CCDC57: variants seen among roughly 807,000 people sequenced by gnomAD.
The protein encoded by CCDC57 is coiled-coil domain-containing protein 57.
Under a neutral mutation model 118.9 loss-of-function variants are expected in CCDC57, and 118 were observed. That is an observed-to-expected ratio of 0.99 (90% CI 0.86 to 1.16). The LOEUF is 1.16. Ranked by LOEUF, CCDC57 falls within the 50% of genes most tolerant of loss-of-function variation. The pLI is 0.00. For synonymous variants in CCDC57, 527 were observed against 532.9 expected (o/e 0.99, Z 0.15); for missense variants, 1,300 against 1,320.7 (o/e 0.98, Z 0.24).
Position 82,169,981 on chromosome 17 carries a change from A to C in CCDC57, c.1882+1720T>G, listed in dbSNP as rs111540719. On this transcript the variant is annotated intron_variant, in intron 13 of 19. Coordinates refer to ENST00000665763, the Ensembl canonical transcript of CCDC57. ...CTCATATTCAGCATAAAATACCCTAAAAAAATCTATGACAAAGGGCAGATG... is the reference window on the plus strand; with the variant it reads ...CTCATATTCAGCATAAAATACCCTACAAAAATCTATGACAAAGGGCAGATG... Among the ~76,000 whole-genome samples the C allele has an allele frequency of 7.2e-4, 109 of 152,276 alleles. 2 individuals are homozygous for C. Among genetic ancestry groups the C allele is most frequent in the African/African-American group, 2.3e-3 (96 of 41,546 alleles).
chr17:82,140,723 C>T (rs760988580), intron 16 of CCDC57, among the ~76,000 whole-genome samples: 4 of 152,174 alleles, frequency 2.6e-5, no homozygotes, highest in African/African-American at 4.8e-5. Context: ...TAGTCAGTCA[C>T]CAGCAGCCAC....
chr17:82,189,251 C>A (rs2047355775), intron 7 of CCDC57, among the ~76,000 whole-genome samples: 1 of 151,974 alleles, frequency 6.6e-6, no homozygotes, highest in Non-Finnish European at 1.5e-5. Context: ...CTGAGTGACA[C>A]AGTGAGACCC....
At chr17:82,158,930 G>A (rs1302121168) in intron 14 of CCDC57, among the ~76,000 whole-genome samples, 2 of 151,922 alleles carry the variant, frequency 1.3e-5, no homozygotes, top group Admixed American at 6.6e-5. Context: ...GTGGCTCGCC[G>A]CAGCCTCAAC....
chr17:82,104,438 A>G (rs939303435), intron 19 of CCDC57, among the ~76,000 whole-genome samples: 4 of 150,764 alleles, frequency 2.7e-5, no homozygotes, highest in African/African-American at 7.5e-5. Context: ...TGCCCCTCCC[A>G]GGCTTAACCC....
chr17:82,123,122 C>CTTTTTTTTTT (rs34869339), intron 19 of CCDC57, among the ~76,000 whole-genome samples: 1 of 105,766 alleles, frequency 9.5e-6, no homozygotes, highest in Non-Finnish European at 1.9e-5. Context: ...CTCCTAATAA[C>CTTTTTTTTTT]TTTTTTTTTT....
chr17:82,164,636 A>G (rs916917476), intron 13 of CCDC57, among the ~76,000 whole-genome samples: 2 of 152,208 alleles, frequency 1.3e-5, no homozygotes, highest in African/African-American at 4.8e-5. Context: ...TTAAAAACTC[A>G]TAGGATACTA....
rs371391664 is a variant in CCDC57 at position 82,183,934 on chromosome 17, T to C, written c.1053-2A>G. 6.2e-6 allele frequency: 10 copies of C among 1,612,816 alleles called. No homozygotes were observed. In the African/African-American group the frequency reaches 1.3e-4, roughly 22 times the overall value. The stretch of plus-strand genomic sequence containing the variant: ...ACAGTTGATGCATCTTCACGAAGTC[T>C]AAACATAGAAGGGAAACTATGTAGA... On this transcript the variant is annotated splice_acceptor_variant, in intron 8 of 19. Coordinates refer to ENST00000665763, the Ensembl canonical transcript of CCDC57. LOFTEE classifies it high-confidence loss of function.
At chr17:82,157,658 T>C (rs2145967885) in intron 15 of CCDC57, 90 bp downstream of exon 14, 2 of 1,489,436 alleles carry the variant, frequency 1.3e-6, no homozygotes, top group Non-Finnish European at 1.8e-6. Flanking sequence ...TCCCAGGGCA[T>C]ACAGACAGCA....
At chr17:82,178,660 C>G in intron 10 of CCDC57, 55 bp from the exon 10 acceptor site, 1 of 1,587,778 alleles carries the variant, frequency 6.3e-7, no homozygotes, top group Non-Finnish European at 8.5e-7. Context: ...AGCTCCCATG[C>G]CTGCTGAGGC....
intron 19 of CCDC57, among the ~76,000 whole-genome samples, chr17:82,108,378 A>G (rs2035012271): frequency 6.6e-6 from 1 of 152,194 alleles, no homozygotes; most frequent in South Asian, 2.1e-4. Context: ...CCCTCAGGAA[A>G]GAGGTTCGGC....
At chr17:82,114,244 T>A (rs1484225484) in intron 19 of CCDC57, among the ~76,000 whole-genome samples, 1 of 152,044 alleles carries the variant, frequency 6.6e-6, no homozygotes, top group Admixed American at 6.6e-5. Flanking sequence ...CGACCTGCTC[T>A]CCTGAACGAA....
intron 19 of CCDC57, among the ~76,000 whole-genome samples, chr17:82,125,048 C>G (rs568491506): frequency 6.6e-6 from 1 of 152,104 alleles, no homozygotes; most frequent in Non-Finnish European, 1.5e-5. Context: ...CGGAGTGGGA[C>G]GCGGCTGCGT....
In CCDC57 at chr17:82,103,304, C is replaced by T. The variant is rs143411320; in HGVS notation, c.2900-1438G>A. Among the ~76,000 whole-genome samples, 65 of 152,170 alleles carry T rather than the reference C, an allele frequency of 4.3e-4. No individual in the cohort carries two copies. The East Asian group carries it at 0.012, about 28-fold the overall frequency. ...TTCCTGCAGCCCCGTTGGGGTCACACAGTCCCTGGCCCCCTGCTGGGGTCC... is the reference window on the plus strand; with the variant it reads ...TTCCTGCAGCCCCGTTGGGGTCACATAGTCCCTGGCCCCCTGCTGGGGTCC... On this transcript the variant is annotated intron_variant, in intron 19 of 19. Transcript: ENST00000665763.
intron 2 of CCDC57, among the ~76,000 whole-genome samples, chr17:82,207,259 C>T (rs1367425011): frequency 6.6e-6 from 1 of 151,648 alleles, no homozygotes; most frequent in African/African-American, 2.4e-5. Flanking sequence ...CTTGAGCTTA[C>T]GACGTTGAGG....
intron 15 of CCDC57, chr17:82,154,300 C>G (rs1254546453): frequency 6.6e-6 from 1 of 152,384 alleles, no homozygotes; most frequent in Non-Finnish European, 1.5e-5. Flanking sequence ...CACACCTGGT[C>G]CCAGCTTTGC....
At chr17:82,131,905 C>T (rs1190876801) in intron 17 of CCDC57, among the ~76,000 whole-genome samples, 1 of 151,938 alleles carries the variant, frequency 6.6e-6, no homozygotes, top group African/African-American at 2.4e-5. Flanking sequence ...CACTTGAGTT[C>T]AGGAATCCAA....
chr17:82,201,516 G>A (rs113645022), intron 3 of CCDC57, 22 bp downstream of exon 2: 1 of 1,562,146 alleles, frequency 6.4e-7, no homozygotes. Context: ...TGCACAGGAG[G>A]GCGCGTCGGT....
chr17:82,206,022 C>T (rs1326886292), intron 2 of CCDC57, among the ~76,000 whole-genome samples: 2 of 152,230 alleles, frequency 1.3e-5, no homozygotes, highest in South Asian at 2.1e-4. Context: ...CGCAATCTGC[C>T]TGTCGGCCAG....
intron 16 of CCDC57, among the ~76,000 whole-genome samples, chr17:82,137,130 G>T (rs563185461): frequency 6.7e-6 from 1 of 149,730 alleles, no homozygotes; most frequent in Admixed American, 6.8e-5. Flanking sequence ...CAATTCTCCC[G>T]CCTCAGCCTC....
Sources: allele counts gnomAD v4.1 joint callset (sites outside exome capture counted in the v4.1 genomes callset), GRCh38; gene constraint gnomAD v4.1.1; transcripts MANE v1.5; gene names NCBI Gene and HGNC (gene_info 2026-07-23, HGNC 2026-07-21).